IL34: variants seen among roughly 807,000 people sequenced by gnomAD.
IL34 encodes interleukin-34.
IL34 carries 17 observed loss-of-function variants against 25.3 expected under a neutral mutation model. The observed-to-expected ratio is 0.67, with a 90% CI of 0.46 to 1.01. The LOEUF is 1.01. IL34 is among the 50% of genes least tolerant of loss of function. The pLI, the probability that IL34 is intolerant of heterozygous loss-of-function variation, is 0.00. For missense variants in IL34, 368 were observed against 312.9 expected, an observed-to-expected ratio of 1.18 and a Z score of -1.33; for synonymous variants, 174 against 140.9, an observed-to-expected ratio of 1.23 and a Z score of -1.66.
At chr16:70,626,842 A>G (rs1172540827) in intron 1 of IL34, among the ~76,000 whole-genome samples, 2 of 152,072 alleles carry the variant, frequency 1.3e-5, no homozygotes, top group Non-Finnish European at 2.9e-5. Flanking sequence ...TTGAGAAGCT[A>G]TTTTATCATA....
At chr16:70,602,583 ATGTGTG>A (rs3058045) in intron 1 of IL34, among the ~76,000 whole-genome samples, 171 of 135,044 alleles carry the variant, frequency 1.3e-3, no homozygotes, top group East Asian at 2.1e-3. Flanking sequence ...TTTGGAATTG[ATGTGTG>A]TGTGTGTGTG....
At chr16:70,628,963 T>C (rs34811595) in intron 1 of IL34, among the ~76,000 whole-genome samples, 42,205 of 151,852 alleles carry the variant, frequency 0.28, 6,230 homozygotes, top group South Asian at 0.45. Context: ...AACTTTTGTA[T>C]TTTTAATGTA....
In IL34 at chr16:70,603,076, C is replaced by A. The variant is rs1247902601; in HGVS notation, c.-401+23027C>A. On this transcript the variant is annotated intron_variant, in intron 1 of 6. Coordinates refer to the IL34 transcript ENST00000429149. ...TCCGTGAGCATCTCCTATGTGGCCA[C>A]CAGGGAGCTGGGCCCCGTGACTGAC... 2.0e-5 allele frequency among the ~76,000 whole-genome samples: 3 copies of A among 152,094 alleles called. 1 individual carries two copies. Among genetic ancestry groups the A allele is most frequent in the Non-Finnish European group, 4.4e-5 (3 of 68,008 alleles).
intron 1 of IL34, among the ~76,000 whole-genome samples, chr16:70,648,974 G>A (rs1482825250): frequency 6.6e-6 from 1 of 152,138 alleles, no homozygotes; most frequent in African/African-American, 2.4e-5. Flanking sequence ...TTCCCTTTGT[G>A]TGTCTCTATG....
At chr16:70,602,525 C>T (rs909260251) in intron 1 of IL34, among the ~76,000 whole-genome samples, 1 of 150,640 alleles carries the variant, frequency 6.6e-6, no homozygotes, top group Admixed American at 6.6e-5. Flanking sequence ...AGAGCCAGAC[C>T]CTGCCTCAAA....
intron 1 of IL34, among the ~76,000 whole-genome samples, chr16:70,627,650 T>G (rs1242471964): frequency 6.6e-6 from 1 of 152,032 alleles, no homozygotes; most frequent in East Asian, 1.9e-4. Flanking sequence ...TTTATTTTTT[T>G]GTAGAGATGG....
intron 1 of IL34, among the ~76,000 whole-genome samples, chr16:70,600,313 C>T (rs901204680): frequency 3.3e-5 from 5 of 152,138 alleles, no homozygotes; most frequent in African/African-American, 9.7e-5. Flanking sequence ...TTGTCCACAC[C>T]ACAGAGATTA....
intron 1 of IL34, among the ~76,000 whole-genome samples, chr16:70,652,426 T>C (rs186276053): frequency 1.3e-3 from 192 of 152,190 alleles, no homozygotes; most frequent in Middle Eastern, 6.8e-3. Flanking sequence ...CCACTGCACC[T>C]GTCTGCCTGG....
intron 1 of IL34, among the ~76,000 whole-genome samples, chr16:70,611,822 T>A (rs182389057): frequency 6.1e-4 from 93 of 151,986 alleles, no homozygotes; most frequent in African/African-American, 2.1e-3. Context: ...GCAGCCTGGG[T>A]GACAGAGCAA....
chr16:70,643,383 T>C (rs1567460033), upstream of IL34, among the ~76,000 whole-genome samples: 2 of 151,996 alleles, frequency 1.3e-5, no homozygotes, highest in Non-Finnish European at 2.9e-5. Context: ...TTTATTTATT[T>C]ATTTTGAGAC....
chr16:70,626,501 A>G (rs1226379590), intron 1 of IL34, among the ~76,000 whole-genome samples: 2 of 152,088 alleles, frequency 1.3e-5, no homozygotes, highest in African/African-American at 4.8e-5. Context: ...GGTTCAAGTG[A>G]TTGTCCTGCC....
intron 5 of IL34, 78 bp from the exon 6 acceptor site, chr16:70,659,919 C>G: frequency 1.3e-6 from 2 of 1,486,222 alleles, no homozygotes; most frequent in East Asian, 4.6e-5. Flanking sequence ...GGGGGACAAG[C>G]ACATGCGGCT....
chr16:70,627,016 C>T (rs1418966867), intron 1 of IL34, among the ~76,000 whole-genome samples: 1 of 151,680 alleles, frequency 6.6e-6, no homozygotes, highest in African/African-American at 2.4e-5. Flanking sequence ...CTTATAGAGA[C>T]AGGGTCTCCC....
chr16:70,644,797 GAGGAGGAATGAAA>G (rs1488893522), upstream of IL34, among the ~76,000 whole-genome samples: 135 of 144,832 alleles, frequency 9.3e-4, no homozygotes, highest in Non-Finnish European at 1.7e-3. Flanking sequence ...AAGGAGGAGG[GAGGAGGAATGAAA>G]AGGAGGAAGG....
At chr16:70,600,152 C>T (rs1215408297) in intron 1 of IL34, among the ~76,000 whole-genome samples, 2 of 152,118 alleles carry the variant, frequency 1.3e-5, no homozygotes, top group Middle Eastern at 3.2e-3. Context: ...TTTATCCCCA[C>T]TTCTCTCTTC....
Position 70,660,433 on chromosome 16 carries a change from C to G in IL34, c.*246C>G, listed in dbSNP as rs1309015635. ...CCTGAAGGTGGATGGGGACACAGCT[C>G]CTGGCTTCTCCTGGTGCTGCCCTCA... On this transcript the variant is annotated 3_prime_UTR_variant, in exon 6 of 6. Transcript: ENST00000288098. 2.3e-6 allele frequency: 1 copy of G among 442,632 alleles called. No individual in the cohort carries two copies. 27.4% of individuals were successfully genotyped at this position (442,632 alleles called of 1,614,324 possible).
Position 70,616,249 on chromosome 16 carries a change from A to G in IL34, c.-400-30299A>G, listed in dbSNP as rs530661377. Among the ~76,000 whole-genome samples, 4 of 152,344 alleles carry G rather than the reference A, an allele frequency of 2.6e-5. No individual in the cohort carries two copies. In the East Asian group the frequency reaches 5.8e-4, roughly 22 times the overall value. On this transcript the variant is annotated intron_variant, in intron 1 of 6. Coordinates refer to the IL34 transcript ENST00000429149. ...GCTAAGTATCTGCATTTGTGATTTG[A>G]GAGATATTGCCAATTTCCACTCCAT... is the stretch of plus-strand genomic sequence containing the variant.
At chr16:70,657,811 C>T (rs2052272182) in intron 4 of IL34, among the ~76,000 whole-genome samples, 1 of 152,184 alleles carries the variant, frequency 6.6e-6, no homozygotes, top group Admixed American at 6.5e-5. Context: ...CTGTATAATG[C>T]ATTCATGTTG....
chr16:70,651,753 C>T (rs2052084224), intron 1 of IL34, among the ~76,000 whole-genome samples: 1 of 127,432 alleles, frequency 7.8e-6, no homozygotes, highest in South Asian at 3.0e-4. Context: ...GCCTGCCTGA[C>T]TGCTTTTGTA....
Sources: allele counts gnomAD v4.1 joint callset (sites outside exome capture counted in the v4.1 genomes callset), GRCh38; gene constraint gnomAD v4.1.1; transcripts MANE v1.5; gene names NCBI Gene and HGNC (gene_info 2026-07-23, HGNC 2026-07-21).